The following ANKRD13C variants were observed in gnomAD, a reference collection of about 807,000 sequenced individuals.
ANKRD13C encodes ankyrin repeat domain 13C, also known as ankyrin repeat domain-containing protein 13C.
A neutral mutation model predicts 65.5 loss-of-function variants in ANKRD13C; 16 were observed. That is an observed-to-expected ratio of 0.24 (90% CI 0.17 to 0.37). ANKRD13C has a LOEUF of 0.37. Ranked by LOEUF, ANKRD13C falls within the 10% of genes least tolerant of loss-of-function variation. ANKRD13C has a pLI of 1.00. For missense variants in ANKRD13C, 503 were observed against 655.9 expected (o/e 0.77, Z 2.55); for synonymous variants, 235 against 238.7 (o/e 0.98, Z 0.14).
At chr1:70,346,140 C>T (rs1682518052) in intron 1 of ANKRD13C, among the ~76,000 whole-genome samples, 1 of 151,968 alleles carries the variant, frequency 6.6e-6, no homozygotes, top group South Asian at 2.1e-4. Flanking sequence ...CTTCCCCACT[C>T]AGTTTAACAA....
At chr1:70,338,816 A>G (rs1311662737) in intron 1 of ANKRD13C, among the ~76,000 whole-genome samples, 1 of 152,242 alleles carries the variant, frequency 6.6e-6, no homozygotes, top group Non-Finnish European at 1.5e-5. Context: ...TAAAAAAATC[A>G]ACATGAGCAA....
chr1:70,325,940 C>T (rs1681517788), intron 2 of ANKRD13C, among the ~76,000 whole-genome samples: 1 of 149,984 alleles, frequency 6.7e-6, no homozygotes, highest in South Asian at 2.1e-4. Flanking sequence ...AAAGTTAAAA[C>T]TGAGGCCCAC....
chr1:70,316,921 C>T (rs1681097620), intron 3 of ANKRD13C, among the ~76,000 whole-genome samples: 2 of 152,046 alleles, frequency 1.3e-5, no homozygotes, highest in Admixed American at 6.6e-5. Context: ...TATACATATG[C>T]GTTCTGAGGG....
intron 3 of ANKRD13C, among the ~76,000 whole-genome samples, chr1:70,323,247 T>C (rs1009260963): frequency 6.6e-6 from 1 of 152,184 alleles, no homozygotes; most frequent in Non-Finnish European, 1.5e-5. Context: ...AAAGGACAAC[T>C]GTCAGTGTAT....
At chr1:70,325,954 G>A (rs765803713) in intron 2 of ANKRD13C, among the ~76,000 whole-genome samples, 2 of 151,836 alleles carry the variant, frequency 1.3e-5, no homozygotes, top group Non-Finnish European at 1.5e-5. Context: ...GGCCCACGCC[G>A]GGCACAGTGG....
At chr1:70,352,217 G>A (rs1416344312) in intron 1 of ANKRD13C, among the ~76,000 whole-genome samples, 2 of 151,706 alleles carry the variant, frequency 1.3e-5, no homozygotes, top group East Asian at 1.9e-4. Flanking sequence ...GTGGGCGCCT[G>A]TACTACCAGC....
chr1:70,304,986 T>C lies in ANKRD13C; in HGVS notation c.776+1238A>G, dbSNP rs146276253. ...GTTTTTTTAAAAAACACGCTGGGTG[T>C]GATGGCTCACACTGTAATCCCAGCA... On this transcript the variant is annotated intron_variant, in intron 6 of 12. Coordinates refer to ENST00000370944, the MANE Select transcript of ANKRD13C (RefSeq NM_030816.5). 9.4e-3 allele frequency among the ~76,000 whole-genome samples: 1,437 copies of C among 152,144 alleles called. 9 individuals are homozygous for C. Among genetic ancestry groups the C allele is most frequent in the Admixed American group, 0.016 (237 of 15,266 alleles).
intron 6 of ANKRD13C, among the ~76,000 whole-genome samples, chr1:70,305,263 T>A (rs1680540360): frequency 6.6e-6 from 1 of 152,182 alleles, no homozygotes; most frequent in African/African-American, 2.4e-5. Context: ...AAATAGCTGA[T>A]TTTTAAAAAC....
chr1:70,339,972 C>T (rs1682238307), intron 1 of ANKRD13C, among the ~76,000 whole-genome samples: 1 of 151,584 alleles, frequency 6.6e-6, no homozygotes, highest in South Asian at 2.1e-4. Flanking sequence ...ATCTCAGCCT[C>T]CCAAGTAGCT....
intron 9 of ANKRD13C, among the ~76,000 whole-genome samples, chr1:70,277,710 TA>T (rs1205674576): frequency 6.6e-6 from 1 of 151,788 alleles, no homozygotes; most frequent in East Asian, 1.9e-4. Context: ...AAATTAAAGG[TA>T]AAAAACACAA....
intron 2 of ANKRD13C, among the ~76,000 whole-genome samples, chr1:70,333,820 A>T (rs1681908317): frequency 6.6e-6 from 1 of 152,224 alleles, no homozygotes; most frequent in Admixed American, 6.5e-5. Context: ...AGGAAATAGG[A>T]GAATGACTGA....
At chr1:70,293,680 T>A (rs1679957442) in intron 8 of ANKRD13C, 3 of 330,238 alleles carry the variant, frequency 9.1e-6, no homozygotes, top group Non-Finnish European at 1.3e-5. Context: ...TGGACTGCAA[T>A]GTAGGACCTC....
chr1:70,335,171 C>T (rs1039259972), intron 2 of ANKRD13C, among the ~76,000 whole-genome samples: 1 of 151,978 alleles, frequency 6.6e-6, no homozygotes, highest in Non-Finnish European at 1.5e-5. Context: ...CTTTGGGAGG[C>T]CGAGGCAGGC....
intron 9 of ANKRD13C, among the ~76,000 whole-genome samples, chr1:70,288,632 T>C (rs1159175735): frequency 6.6e-6 from 1 of 152,140 alleles, no homozygotes; most frequent in Non-Finnish European, 1.5e-5. Context: ...GAAAAGCCAA[T>C]TTCAAAAGGC....
At chr1:70,324,740 A>G (rs1003341715) in intron 3 of ANKRD13C, 113 bp downstream of exon 3, 3 of 670,490 alleles carry the variant, frequency 4.5e-6, no homozygotes, top group Middle Eastern at 3.8e-4. Flanking sequence ...GTAAGTTTAC[A>G]CATAATTGCA....
rs974948181 is a variant in ANKRD13C, at chr1:70,262,736, C to G, written c.1607G>C (p.Ser536Thr). Residue 536 changes from serine (S) to threonine (T), a missense_variant, in exon 13 of 13, where the codon AGC becomes ACC. Ser to Thr is a moderately conservative substitution (Grantham distance 58). Transcript: ENST00000370944. ...TIPDDYKEDP[S>T]RFPDL ...CGTCAGTTAAAGATCAGGAAAACGG[C>G]TTGGGTCTTCCTTGTAGTCATCAGG... The G allele has an allele frequency of 1.2e-6, 2 of 1,612,096 alleles. No homozygotes were observed. Among genetic ancestry groups the G allele is most frequent in the African/African-American group, 2.7e-5 (2 of 74,816 alleles).
intron 5 of ANKRD13C, among the ~76,000 whole-genome samples, chr1:70,312,608 C>T (rs1194879633): frequency 6.6e-6 from 1 of 151,352 alleles, no homozygotes; most frequent in Non-Finnish European, 1.5e-5. Flanking sequence ...GCCCAAAGTT[C>T]CTCATTTGGT....
Position 70,260,123 on chromosome 1 carries a change from G to C in ANKRD13C, c.*2594C>G, listed in dbSNP as rs1231100153. ...TTCCAGTTCTGAGCAGAAGGAAACA[G>C]TTTTTCATCTACTAACATGTATCAG... On this transcript the variant is annotated 3_prime_UTR_variant, in exon 13 of 13. Transcript: ENST00000370944. Among the ~76,000 whole-genome samples the C allele has an allele frequency of 1.3e-5, 2 of 152,134 alleles. No individual in the cohort carries two copies. Among genetic ancestry groups the C allele is most frequent in the East Asian group, 3.8e-4 (2 of 5,202 alleles).
At chr1:70,291,359 T>C (rs565783780) in intron 9 of ANKRD13C, among the ~76,000 whole-genome samples, 3 of 152,324 alleles carry the variant, frequency 2.0e-5, no homozygotes, top group African/African-American at 7.2e-5. Context: ...CAAGAATTCT[T>C]TGTATGACTC....
Sources: allele counts gnomAD v4.1 joint callset (sites outside exome capture counted in the v4.1 genomes callset), GRCh38; gene constraint gnomAD v4.1.1; transcripts MANE v1.5; gene names NCBI Gene and HGNC (gene_info 2026-07-23, HGNC 2026-07-21).